Variants in TSPAN5 observed in about 807,000 individuals in gnomAD.
The protein encoded by TSPAN5 is tetraspanin-5.
In TSPAN5, 10 loss-of-function variants were observed where a neutral mutation model predicts 37.1. That is an observed-to-expected ratio of 0.27 (90% CI 0.17 to 0.46). TSPAN5 has a LOEUF of 0.46. Ranked by LOEUF, TSPAN5 falls within the 20% of genes least tolerant of loss-of-function variation. The pLI is 1.00. For missense variants in TSPAN5, 195 were observed against 326.6 expected (o/e 0.60, Z 3.11); for synonymous variants, 110 against 118.9 (o/e 0.93, Z 0.48).
intron 1 of TSPAN5, among the ~76,000 whole-genome samples, chr4:98,567,831 G>A (rs751005851): frequency 2.0e-5 from 3 of 152,168 alleles, no homozygotes; most frequent in Non-Finnish European, 4.4e-5. Context: ...CTGGTCAGGC[G>A]AGTGTTCAGT....
chr4:98,571,379 G>A lies in TSPAN5; in HGVS notation c.82-63651C>T, dbSNP rs1425094743. Among the ~76,000 whole-genome samples, 4 of 152,148 alleles carry A rather than the reference G, an allele frequency of 2.6e-5. No homozygotes were observed. In the South Asian group the frequency reaches 8.3e-4, roughly 32 times the overall value. On this transcript the variant is annotated intron_variant, in intron 1 of 7. Coordinates refer to ENST00000305798, the MANE Select transcript of TSPAN5 (RefSeq NM_005723.4). ...GGGAAGTGCACAGGGTTACTGCAGG[G>A]GGGTGGCTGGCAAACCCCAGGCAGC...
chr4:98,544,255 T>G (rs1393935116), intron 1 of TSPAN5, among the ~76,000 whole-genome samples: 1 of 152,198 alleles, frequency 6.6e-6, no homozygotes, highest in African/African-American at 2.4e-5. Context: ...AAACATATCT[T>G]GCACATGGCA....
intron 1 of TSPAN5, among the ~76,000 whole-genome samples, chr4:98,570,807 A>G (rs1755101107): frequency 6.6e-6 from 1 of 151,584 alleles, no homozygotes; most frequent in Admixed American, 6.6e-5. Context: ...CCTCTTTCAT[A>G]CTCCACCCCA....
At chr4:98,601,741 C>T (rs536219856) in intron 1 of TSPAN5, among the ~76,000 whole-genome samples, 3 of 152,302 alleles carry the variant, frequency 2.0e-5, no homozygotes, top group Admixed American at 6.5e-5. Context: ...AATAACTTTT[C>T]CTTTGTATTC....
intron 1 of TSPAN5, among the ~76,000 whole-genome samples, chr4:98,598,754 C>T (rs537712764): frequency 7.6e-4 from 115 of 152,300 alleles, no homozygotes; most frequent in African/African-American, 2.6e-3. Flanking sequence ...AGGCATGAGC[C>T]ACCGTGCCTG....
intron 2 of TSPAN5, among the ~76,000 whole-genome samples, chr4:98,502,038 A>G (rs1427362465): frequency 1.3e-5 from 2 of 152,230 alleles, no homozygotes; most frequent in Admixed American, 6.5e-5. Context: ...TAGAGCTGAC[A>G]GTATTTGCTG....
intron 2 of TSPAN5, chr4:98,500,379 T>C (rs1753318295): frequency 6.6e-6 from 1 of 152,272 alleles, no homozygotes; most frequent in Non-Finnish European, 1.5e-5. Flanking sequence ...AGAAACATCA[T>C]CTACAGCAAA....
Position 98,598,000 on chromosome 4 carries a change from G to T in TSPAN5, c.81+60146C>A, listed in dbSNP as rs1286183042. 2.5e-3 allele frequency among the ~76,000 whole-genome samples: 247 copies of T among 99,562 alleles called. 11 individuals are homozygous for T. Among genetic ancestry groups the T allele is most frequent in the Non-Finnish European group, 3.1e-3 (168 of 53,418 alleles). The allele number at this position is 99,562 out of a possible 152,430, so 65.3% of individuals were successfully genotyped here. On this transcript the variant is annotated intron_variant, in intron 1 of 7. Transcript: ENST00000305798. Reference sequence around the variant, plus strand: ...CTTACTGGCTGCTTTGTTTACCTAAGCAAGCCTGGGCAATGGCGGGCGCCC... The same window carrying T: ...CTTACTGGCTGCTTTGTTTACCTAATCAAGCCTGGGCAATGGCGGGCGCCC...
intron 2 of TSPAN5, 86 bp from the exon 3 acceptor site, chr4:98,486,970 C>T: frequency 6.9e-7 from 1 of 1,451,054 alleles, no homozygotes; most frequent in Non-Finnish European, 9.4e-7. Context: ...TTGTCCTTTC[C>T]CCTCCCAAAG....
chr4:98,615,292 C>T (rs1282572625), intron 1 of TSPAN5, among the ~76,000 whole-genome samples: 1 of 152,234 alleles, frequency 6.6e-6, no homozygotes, highest in African/African-American at 2.4e-5. Context: ...AAAATTCACA[C>T]AAGCCTGGAA....
chr4:98,643,528 A>G (rs1003366557), intron 1 of TSPAN5, among the ~76,000 whole-genome samples: 1 of 152,238 alleles, frequency 6.6e-6, no homozygotes, highest in African/African-American at 2.4e-5. Context: ...TTCACAAAAT[A>G]TATTTCAATT....
At chr4:98,638,027 G>T (rs557272292) in intron 1 of TSPAN5, among the ~76,000 whole-genome samples, 1 of 152,210 alleles carries the variant, frequency 6.6e-6, no homozygotes, top group East Asian at 1.9e-4. Flanking sequence ...TCTGCTCCAC[G>T]GTCTTGGCCT....
At chr4:98,517,225 C>G (rs1380582303) in intron 1 of TSPAN5, among the ~76,000 whole-genome samples, 1 of 152,140 alleles carries the variant, frequency 6.6e-6, no homozygotes, top group Non-Finnish European at 1.5e-5. Context: ...ATGGAGATAC[C>G]AGTTGTTCTG....
intron 1 of TSPAN5, among the ~76,000 whole-genome samples, chr4:98,575,356 G>A (rs955022650): frequency 3.3e-5 from 5 of 151,096 alleles, no homozygotes; most frequent in African/African-American, 9.7e-5. Context: ...TAACAGGCTG[G>A]CGGGCTCTTT....
At chr4:98,492,128 A>G (rs2110270454) in intron 2 of TSPAN5, among the ~76,000 whole-genome samples, 1 of 152,208 alleles carries the variant, frequency 6.6e-6, no homozygotes, top group South Asian at 2.1e-4. Context: ...AGCTGCCAAG[A>G]TCTCATACAA....
At chr4:98,547,406 G>A (rs980852734) in intron 1 of TSPAN5, among the ~76,000 whole-genome samples, 2 of 152,108 alleles carry the variant, frequency 1.3e-5, no homozygotes, top group Admixed American at 6.5e-5. Context: ...ATTAACTGTC[G>A]GACTGGCAGA....
chr4:98,632,368 G>A (rs530269790), intron 1 of TSPAN5, among the ~76,000 whole-genome samples: 4 of 152,156 alleles, frequency 2.6e-5, no homozygotes, highest in Non-Finnish European at 5.9e-5. Context: ...CTGGAACCAG[G>A]CTCTCCCACT....
At chr4:98,655,678 T>C (rs995730786) in intron 1 of TSPAN5, among the ~76,000 whole-genome samples, 2 of 152,320 alleles carry the variant, frequency 1.3e-5, no homozygotes, top group Middle Eastern at 3.4e-3. Context: ...TTTTTGGCAA[T>C]CACAGACAGG....
chr4:98,641,944 T>C (rs1756968457), intron 1 of TSPAN5, among the ~76,000 whole-genome samples: 1 of 152,158 alleles, frequency 6.6e-6, no homozygotes, highest in Non-Finnish European at 1.5e-5. Context: ...ATGAAAAGGG[T>C]AGGCAAAGTG....
Sources: allele counts gnomAD v4.1 joint callset (sites outside exome capture counted in the v4.1 genomes callset), GRCh38; gene constraint gnomAD v4.1.1; transcripts MANE v1.5; gene names NCBI Gene and HGNC (gene_info 2026-07-23, HGNC 2026-07-21).